Variants in MYH10 observed in about 807,000 individuals in gnomAD.
MYH10 encodes the protein myosin-10.
In MYH10, 55 loss-of-function variants were observed where a neutral mutation model predicts 257.8. The ratio of observed to expected loss-of-function variants is 0.21; its 90% CI spans 0.17 to 0.27. The LOEUF (loss-of-function observed/expected upper bound fraction) is 0.27. Among genes scored for constraint, MYH10 ranks in the 10% least tolerant of loss-of-function variants. The pLI, the probability that MYH10 is intolerant of heterozygous loss-of-function variation, is 1.00. For missense variants in MYH10, 1,631 were observed against 2,500.6 expected, an observed-to-expected ratio of 0.65 and a Z score of 7.42; for synonymous variants, 854 against 921.7, an observed-to-expected ratio of 0.93 and a Z score of 1.33.
At chr17:8,602,388 T>G (rs2084644741) in intron 3 of MYH10, among the ~76,000 whole-genome samples, 1 of 152,210 alleles carries the variant, frequency 6.6e-6, no homozygotes, top group Admixed American at 6.5e-5. Context: ...TTGGTCAGGC[T>G]ACTGATCCTC....
intron 3 of MYH10, among the ~76,000 whole-genome samples, chr17:8,598,004 G>A (rs1257354679): frequency 2.6e-5 from 4 of 151,890 alleles, no homozygotes; most frequent in Non-Finnish European, 4.4e-5. Context: ...TTTTTGAGAC[G>A]GAGTCTCCCT....
intron 3 of MYH10, among the ~76,000 whole-genome samples, chr17:8,597,131 A>G (rs2084404361): frequency 6.6e-6 from 1 of 152,212 alleles, no homozygotes; most frequent in Non-Finnish European, 1.5e-5. Context: ...GAAAAATACT[A>G]ACCACAAAGA....
chr17:8,610,228 T>C (rs2084974067), intron 2 of MYH10, among the ~76,000 whole-genome samples: 1 of 132,636 alleles, frequency 7.5e-6, no homozygotes, highest in African/African-American at 2.9e-5. Flanking sequence ...ATCCAATTTA[T>C]GGATTTTTCT....
intron 7 of MYH10, among the ~76,000 whole-genome samples, chr17:8,567,193 G>T (rs2083191300): frequency 6.6e-6 from 1 of 152,172 alleles, no homozygotes; most frequent in South Asian, 2.1e-4. Flanking sequence ...CAATGGGGAT[G>T]ATCCAGGAGA....
intron 36 of MYH10, among the ~76,000 whole-genome samples, chr17:8,486,742 A>T (rs905593175): frequency 4.6e-5 from 7 of 152,066 alleles, no homozygotes; most frequent in Admixed American, 1.3e-4. Flanking sequence ...TCCTTTATTC[A>T]TTTAAGTCTG....
intron 2 of MYH10, among the ~76,000 whole-genome samples, chr17:8,611,891 C>T (rs1418262210): frequency 6.6e-6 from 1 of 152,170 alleles, no homozygotes; most frequent in Non-Finnish European, 1.5e-5. Flanking sequence ...GCCATCAAGC[C>T]ACAGAGTCAA....
intron 7 of MYH10, among the ~76,000 whole-genome samples, chr17:8,557,113 TA>T (rs950781169): frequency 1.3e-5 from 2 of 152,012 alleles, no homozygotes; most frequent in African/African-American, 4.8e-5. Context: ...TACCTTATAT[TA>T]AAAAAATGAG....
intron 9 of MYH10, among the ~76,000 whole-genome samples, chr17:8,549,410 G>C: frequency 6.6e-6 from 1 of 152,224 alleles, no homozygotes; most frequent in East Asian, 1.9e-4. Flanking sequence ...TGTACCGTAG[G>C]AGACATGAAT....
At position 8,478,331 on chromosome 17, in the gene MYH10, C is replaced by T. The variant is rs760908375; in HGVS notation, c.5706+7G>A. The stretch of plus-strand genomic sequence containing the variant: ...CGCGCTTCCCAGGGAGGCACTTCCT[C>T]GCGTACCTGCTCTTTATACTGGTCC... On this transcript the variant is annotated splice_region_variant and intron_variant, in intron 41 of 42. Coordinates refer to ENST00000360416, the MANE Select transcript of MYH10 (RefSeq NM_001256012.3). The T allele has an allele frequency of 1.0e-4, 161 of 1,612,964 alleles. No individual in the cohort carries two copies. The East Asian group carries it at 2.2e-3, about 22-fold the overall frequency.
chr17:8,534,961 C>T (rs932577562), intron 16 of MYH10, among the ~76,000 whole-genome samples: 4 of 152,166 alleles, frequency 2.6e-5, no homozygotes, highest in African/African-American at 9.7e-5. Context: ...TTGAGTTTAT[C>T]CACCAGCCAC....
At chr17:8,511,658 A>C (rs538833784) in intron 24 of MYH10, among the ~76,000 whole-genome samples, 2 of 152,366 alleles carry the variant, frequency 1.3e-5, no homozygotes, top group Non-Finnish European at 2.9e-5. Flanking sequence ...TTAATTTTAG[A>C]ATGAAACCAT....
intron 29 of MYH10, 148 bp downstream of exon 29, chr17:8,500,678 G>T: frequency 1.1e-6 from 1 of 913,596 alleles, no homozygotes; most frequent in Non-Finnish European, 1.6e-6. Context: ...CTCCTGTCTT[G>T]GCAACTGGGT....
chr17:8,478,370 C>T lies in MYH10; in HGVS notation c.5674G>A (p.Glu1892Lys), dbSNP rs748972290. 2.5e-6 allele frequency: 4 copies of T among 1,614,056 alleles called. No homozygotes were observed. The highest frequency in any genetic ancestry group is 1.7e-5 in the Admixed American group (1 of 60,004). The change falls in exon 41 of 43, where the codon GAG (glutamate) becomes AAG (lysine). Residue 1892 changes from glutamate to lysine, a missense_variant. By Grantham distance (56) the Glu-to-Lys change is moderately conservative. Transcript: ENST00000360416. Reference protein sequence around the residue: ...LKEIFMQVEDERRHADQYKEQ... With the variant: ...LKEIFMQVEDKRRHADQYKEQ... ...TTATACTGGTCCGCGTGTCGACGCT[C>T]ATCCTCAACCTGCATGAAGATTTCT... is the stretch of plus-strand genomic sequence containing the variant.
In MYH10 at chr17:8,527,820, C is replaced by T. The variant is rs189074227; in HGVS notation, c.1957+2803G>A. 3.5e-3 allele frequency among the ~76,000 whole-genome samples: 526 copies of T among 152,282 alleles called. 8 individuals are homozygous for T. The highest frequency in any genetic ancestry group is 0.012 in the African/African-American group (486 of 41,556). On this transcript the variant is annotated intron_variant, in intron 17 of 42. Transcript: ENST00000360416. ...GCAGTACCCAAGCGCTGCTTCTCCT[C>T]GGTGAGTTTCCAACTATTGCTAACA...
At chr17:8,482,342 C>G (rs181126708) in intron 37 of MYH10, among the ~76,000 whole-genome samples, 1 of 152,260 alleles carries the variant, frequency 6.6e-6, no homozygotes, top group Non-Finnish European at 1.5e-5. Context: ...TGCTCCAGCA[C>G]GTGCACCTGC....
intron 3 of MYH10, among the ~76,000 whole-genome samples, chr17:8,595,442 T>TTC (rs2084328845): frequency 8.3e-6 from 1 of 121,110 alleles, no homozygotes; most frequent in African/African-American, 2.8e-5. Flanking sequence ...TTTTTTTTTT[T>TTC]TTTTTTTGAG....
intron 7 of MYH10, among the ~76,000 whole-genome samples, chr17:8,563,720 TGATAA>T (rs2083069637): frequency 6.6e-6 from 1 of 152,222 alleles, no homozygotes; most frequent in South Asian, 2.1e-4. Context: ...AACTGCCTTT[TGATAA>T]ATAGATATGA....
chr17:8,526,765 T>C (rs1362079383), intron 17 of MYH10, among the ~76,000 whole-genome samples: 1 of 152,194 alleles, frequency 6.6e-6, no homozygotes, highest in Non-Finnish European at 1.5e-5. Context: ...GACGGGGCCA[T>C]AAGATTTTTA....
Position 8,587,601 on chromosome 17 carries a change from C to T in MYH10, c.530+1480G>A, listed in dbSNP as rs2083957879. Among the ~76,000 whole-genome samples, 3 of 152,106 alleles carry T rather than the reference C, an allele frequency of 2.0e-5. No homozygotes were observed. In the South Asian group the frequency reaches 6.2e-4, roughly 32 times the overall value. ...AGAAGAGTCGCGCCCCCCACTAGGA[C>T]CTCACTGTGCCCAGACACCCAACCC... On this transcript the variant is annotated intron_variant, in intron 4 of 42. Transcript: ENST00000360416.
Sources: allele counts gnomAD v4.1 joint callset (sites outside exome capture counted in the v4.1 genomes callset), GRCh38; gene constraint gnomAD v4.1.1; transcripts MANE v1.5; gene names NCBI Gene and HGNC (gene_info 2026-07-23, HGNC 2026-07-21).